ZFP14: variants seen among roughly 807,000 people sequenced by gnomAD.
ZFP14 encodes ZFP14 zinc finger protein.
ZFP14 carries 22 observed loss-of-function variants against 54.5 expected under a neutral mutation model. The observed-to-expected ratio is 0.40, with a 90% CI of 0.29 to 0.58. ZFP14 has a LOEUF of 0.58. Ranked by LOEUF, ZFP14 falls within the 20% of genes least tolerant of loss-of-function variation. ZFP14 has a pLI of 0.39. For missense variants in ZFP14, 470 were observed against 637.8 expected (o/e 0.74, Z 2.83); for synonymous variants, 159 against 204.0 (o/e 0.78, Z 1.88).
chr19:36,379,104 T>A lies in ZFP14; in HGVS notation c.-80+59A>T, dbSNP rs938937543. On this transcript the variant is annotated intron_variant, in intron 1 of 4. Transcript: ENST00000270001. Reference sequence around the variant, plus strand: ...TACTGCCTCCTGGCTCACACTGAGGTCTGCGCCGCCCCCGCGCCACCCCCG... The same window carrying A: ...TACTGCCTCCTGGCTCACACTGAGGACTGCGCCGCCCCCGCGCCACCCCCG... The A allele has an allele frequency of 3.9e-5, 6 of 152,538 alleles. No homozygotes were observed. The East Asian group carries it at 1.2e-3, about 30-fold the overall frequency. 9.4% of individuals were successfully genotyped at this position (152,538 alleles called of 1,614,324 possible). A position where few individuals can be genotyped will look rare whatever the true frequency, so the allele number is the denominator to read the frequency against.
chr19:36,354,051 G>C (rs1423418300), intron 4 of ZFP14, among the ~76,000 whole-genome samples: 1 of 126,056 alleles, frequency 7.9e-6, no homozygotes, highest in Non-Finnish European at 1.7e-5. Context: ...CTCCAGCCTG[G>C]GCAACAGAAC....
chr19:36,371,962 A>G (rs1198886241), intron 1 of ZFP14, among the ~76,000 whole-genome samples: 2 of 132,666 alleles, frequency 1.5e-5, no homozygotes, highest in Non-Finnish European at 1.6e-5. Flanking sequence ...AAGGAAAGGA[A>G]GGGAGATAAG....
intron 1 of ZFP14, among the ~76,000 whole-genome samples, chr19:36,373,133 C>A (rs565784250): frequency 6.6e-6 from 1 of 151,850 alleles, no homozygotes; most frequent in Non-Finnish European, 1.5e-5. Flanking sequence ...CAAAATTAGC[C>A]GGGCATGGTA....
In ZFP14 at chr19:36,337,458, TAAC is replaced by T. The variant is rs2031225169; in HGVS notation, c.*2763_*2765del. 1 of 151,930 alleles carries T rather than the reference TAAC, an allele frequency of 6.6e-6. No homozygotes were observed. Among genetic ancestry groups the T allele is most frequent in the African/African-American group, 2.4e-5 (1 of 41,234 alleles). 9.4% of individuals were successfully genotyped at this position (151,930 alleles called of 1,614,324 possible). On this transcript the variant is annotated 3_prime_UTR_variant, in exon 5 of 5. Coordinates refer to ENST00000270001, the MANE Select transcript of ZFP14 (RefSeq NM_020917.3). ...ATAATGCAAATTGAAAAATACAGTA[TAAC>T]AACTATTTACATAGTATTTACATTG...
At chr19:36,354,347 G>T in intron 4 of ZFP14, among the ~76,000 whole-genome samples, 1 of 128,354 alleles carries the variant, frequency 7.8e-6, no homozygotes. Context: ...CTCCAGGCTG[G>T]GCGACAGAGA....
chr19:36,358,096 T>TATCTATCTATCTATC (rs1568469952), intron 4 of ZFP14, among the ~76,000 whole-genome samples: 1 of 103,430 alleles, frequency 9.7e-6, no homozygotes, highest in African/African-American at 3.4e-5. Context: ...ATCTATCATC[T>TATCTATCTATCTATC]ATCTATCTAT....
intron 1 of ZFP14, among the ~76,000 whole-genome samples, chr19:36,369,609 C>T (rs1600084471): frequency 6.6e-6 from 1 of 151,990 alleles, no homozygotes; most frequent in South Asian, 2.1e-4. Context: ...CAGGGTTTCA[C>T]CATGTTGCCC....
intron 4 of ZFP14, among the ~76,000 whole-genome samples, chr19:36,347,854 A>C (rs2031446947): frequency 6.6e-6 from 1 of 152,078 alleles, no homozygotes. Context: ...TGAGGTCGGG[A>C]GTTTGAGACC....
chr19:36,360,603 T>C, intron 3 of ZFP14, 70 bp from the exon 4 acceptor site: 3 of 1,396,980 alleles, frequency 2.1e-6, no homozygotes, highest in Non-Finnish European at 3.0e-6. Context: ...TGGTTAAATT[T>C]ATAATTAACT....
intron 1 of ZFP14, among the ~76,000 whole-genome samples, chr19:36,375,567 C>CT (rs139409068): frequency 4.3e-4 from 51 of 117,650 alleles, no homozygotes; most frequent in East Asian, 2.7e-3. Context: ...TTTGTATTTT[C>CT]TTTTTTTTTT....
intron 4 of ZFP14, chr19:36,360,150 CTT>C (rs985545063): frequency 2.0e-4 from 46 of 225,852 alleles, no homozygotes; most frequent in African/African-American, 1.0e-3. Flanking sequence ...GATTTCTGCT[CTT>C]ATATTTATTT....
At position 36,348,418 on chromosome 19, in the gene ZFP14, T is replaced by C. The variant is rs142851264; in HGVS notation, c.236-6828A>G. Among the ~76,000 whole-genome samples the C allele has an allele frequency of 8.5e-5, 13 of 152,280 alleles. No individual in the cohort carries two copies. In the East Asian group the frequency reaches 2.5e-3, roughly 29 times the overall value. On this transcript the variant is annotated intron_variant, in intron 4 of 4. Transcript: ENST00000270001. ...ATGAGATCAGAATGCCCAGCACCTG[T>C]GTATCAGGGTAACACCAGCTGACTC...
chr19:36,355,697 GA>G (rs1199918983), intron 4 of ZFP14, among the ~76,000 whole-genome samples: 2 of 136,364 alleles, frequency 1.5e-5, no homozygotes, highest in Admixed American at 7.6e-5. Flanking sequence ...AAAAAAAGAA[GA>G]AAAAAAAAGG....
rs142181853 is a variant in ZFP14, at chr19:36,368,113, A to G, written c.-79-142T>C. On this transcript the variant is annotated intron_variant, in intron 1 of 4. Transcript: ENST00000270001. ...TGGCTTTTCCAAAGTACCACCCACC[A>G]CTATGCCCATCCCTATCCTATACCC... 1.9e-3 allele frequency: 979 copies of G among 505,730 alleles called. 11 individuals are homozygous for G. The East Asian group carries it at 0.02, about 10-fold the overall frequency. 31.3% of individuals were successfully genotyped at this position (505,730 alleles called of 1,614,324 possible).
intron 1 of ZFP14, among the ~76,000 whole-genome samples, chr19:36,377,870 A>G (rs932240252): frequency 1.3e-5 from 2 of 152,048 alleles, no homozygotes; most frequent in African/African-American, 4.8e-5. Context: ...AAAACAAAAC[A>G]AAACAAACCT....
chr19:36,352,321 A>G (rs1296719014), intron 4 of ZFP14, among the ~76,000 whole-genome samples: 1 of 143,856 alleles, frequency 7.0e-6, no homozygotes, highest in Non-Finnish European at 1.5e-5. Context: ...AAATGTATGT[A>G]TAATGATCAT....
rs1568464252 is a variant in ZFP14, at chr19:36,341,251, C to A, written c.575G>T (p.Arg192Ile). Residue 192 changes from arginine (R) to isoleucine (I), a missense_variant, in exon 5 of 5, where the codon AGA (arginine) becomes ATA (isoleucine). Physicochemically the swap from Arg to Ile is moderately conservative, Grantham distance 97. Coordinates refer to ENST00000270001, the MANE Select transcript of ZFP14 (RefSeq NM_020917.3). The surrounding 1 kb of genome is among the most constrained non-coding windows in gnomAD (Gnocchi z 4.2). ...IRRSTLSQHL[R>I]IHTGEKPYKC... is the part of the protein sequence containing the mutation. ...ATAAGGTTTCTCACCAGTATGAATT[C>A]TCAGGTGTTGACTAAGTGTTGAGCG... The A allele has an allele frequency of 1.9e-6, 3 of 1,614,182 alleles. No individual in the cohort carries two copies. The highest frequency in any genetic ancestry group is 2.5e-6 in the Non-Finnish European group (3 of 1,180,040).
chr19:36,367,206 G>A (rs938226957), intron 2 of ZFP14, among the ~76,000 whole-genome samples: 2 of 151,688 alleles, frequency 1.3e-5, no homozygotes, highest in Non-Finnish European at 2.9e-5. Context: ...TTTTTTCTAT[G>A]TAAAACTAAG....
chr19:36,349,680 A>AATAT (rs1555754716), intron 4 of ZFP14, among the ~76,000 whole-genome samples: 2 of 136,852 alleles, frequency 1.5e-5, no homozygotes, highest in African/African-American at 2.6e-5. Flanking sequence ...ACAAAAAAAA[A>AATAT]ATATATATAT....
Sources: allele counts gnomAD v4.1 joint callset (sites outside exome capture counted in the v4.1 genomes callset), GRCh38; gene constraint gnomAD v4.1.1; non-coding constraint Gnocchi (gnomAD v3.1); transcripts MANE v1.5; gene names NCBI Gene and HGNC (gene_info 2026-07-23, HGNC 2026-07-21).